The following RPH3A variants were observed in gnomAD, a reference collection of about 807,000 sequenced individuals.
RPH3A encodes the protein rabphilin-3A.
Under a neutral mutation model 102.2 loss-of-function variants are expected in RPH3A, and 48 were observed. The observed-to-expected ratio is 0.47, with a 90% CI of 0.37 to 0.60. RPH3A has a LOEUF of 0.60. Ranked by LOEUF, RPH3A falls within the 20% of genes least tolerant of loss-of-function variation. RPH3A has a pLI of 0.00. For missense variants in RPH3A, 781 were observed against 910.1 expected (o/e 0.86, Z 1.83); for synonymous variants, 310 against 324.3 (o/e 0.96, Z 0.47).
intron 1 of RPH3A, among the ~76,000 whole-genome samples, chr12:112,726,890 G>A (rs1452228440): frequency 6.6e-6 from 1 of 152,084 alleles, no homozygotes; most frequent in Non-Finnish European, 1.5e-5. Context: ...GGGCGTGGTG[G>A]TGCATGCCTG....
At chr12:112,741,449 C>A (rs997405486) in intron 1 of RPH3A, among the ~76,000 whole-genome samples, 1 of 152,170 alleles carries the variant, frequency 6.6e-6, no homozygotes, top group Non-Finnish European at 1.5e-5. Flanking sequence ...TTTGTTCTTT[C>A]CCTCCCACTA....
At chr12:112,876,380 G>A (rs1482520451) in intron 12 of RPH3A, among the ~76,000 whole-genome samples, 14 of 152,110 alleles carry the variant, frequency 9.2e-5, no homozygotes, top group Non-Finnish European at 1.8e-4. Flanking sequence ...GTAATTTGCC[G>A]CAGGTCACAT....
At chr12:112,874,894 C>CA in intron 10 of RPH3A, 190 bp from the exon 11 acceptor site, 1 of 560,272 alleles carries the variant, frequency 1.8e-6, no homozygotes, top group Non-Finnish European at 3.2e-6. Context: ...TGTGACTCAC[C>CA]AGAGTCTGAG....
chr12:112,894,306 C>G, intron 19 of RPH3A: 1 of 492,064 alleles, frequency 2.0e-6, no homozygotes, highest in Non-Finnish European at 3.5e-6. Context: ...CTAGGGCACA[C>G]TTCTGCCTCT....
intron 1 of RPH3A, among the ~76,000 whole-genome samples, chr12:112,752,331 C>T (rs1385452330): frequency 6.6e-6 from 1 of 152,084 alleles, no homozygotes; most frequent in Admixed American, 6.6e-5. Flanking sequence ...TAATATGTGT[C>T]TGTAACAAAA....
chr12:112,706,694 G>T (rs907939087), intron 1 of RPH3A, among the ~76,000 whole-genome samples: 1 of 152,188 alleles, frequency 6.6e-6, no homozygotes, highest in Non-Finnish European at 1.5e-5. Context: ...GCAAGTAACA[G>T]AAAAGAAATC....
chr12:112,708,562 G>A (rs893240225), intron 1 of RPH3A, among the ~76,000 whole-genome samples: 1 of 152,212 alleles, frequency 6.6e-6, no homozygotes, highest in African/African-American at 2.4e-5. Context: ...GGGGAGCAAA[G>A]CAGTGGGGTT....
chr12:112,770,477 C>A (rs973171266), intron 1 of RPH3A, among the ~76,000 whole-genome samples: 1 of 152,152 alleles, frequency 6.6e-6, no homozygotes, highest in Non-Finnish European at 1.5e-5. Flanking sequence ...TCCTGAGTAG[C>A]TGGGACTACA....
chr12:112,773,605 G>A (rs1171125269), intron 1 of RPH3A, among the ~76,000 whole-genome samples: 2 of 151,484 alleles, frequency 1.3e-5, no homozygotes, highest in Non-Finnish European at 2.9e-5. Flanking sequence ...AGAGGGTAGG[G>A]GTGTATTTTT....
chr12:112,705,280 G>A (rs570003824), intron 1 of RPH3A, among the ~76,000 whole-genome samples: 1 of 152,304 alleles, frequency 6.6e-6, no homozygotes, highest in South Asian at 2.1e-4. Context: ...TTGGCTGCAA[G>A]GGAGTCTGGG....
chr12:112,704,996 T>C (rs374813004), intron 1 of RPH3A, among the ~76,000 whole-genome samples: 7 of 152,174 alleles, frequency 4.6e-5, no homozygotes, highest in African/African-American at 1.7e-4. Flanking sequence ...CGCTTTAAAT[T>C]AGGTAGTTTG....
intron 3 of RPH3A, among the ~76,000 whole-genome samples, chr12:112,832,492 T>C (rs1245687588): frequency 2.6e-5 from 4 of 152,208 alleles, no homozygotes; most frequent in African/African-American, 4.8e-5. Context: ...TTAGAATGGA[T>C]GTTAAATTTT....
At chr12:112,818,197 G>T (rs996918449) in intron 2 of RPH3A, among the ~76,000 whole-genome samples, 5 of 151,858 alleles carry the variant, frequency 3.3e-5, no homozygotes, top group African/African-American at 1.2e-4. Context: ...CTACTCGGGG[G>T]GCTGAGGCAG....
chr12:112,796,485 G>T (rs1302382576), intron 2 of RPH3A, among the ~76,000 whole-genome samples: 1 of 152,218 alleles, frequency 6.6e-6, no homozygotes, highest in African/African-American at 2.4e-5. Context: ...AATGAATGAA[G>T]CTCAACTGAT....
chr12:112,797,945 T>C (rs1489584956), intron 2 of RPH3A, among the ~76,000 whole-genome samples: 1 of 152,198 alleles, frequency 6.6e-6, no homozygotes, highest in Non-Finnish European at 1.5e-5. Context: ...TGCCTCGGCC[T>C]ACCGAAGTGC....
rs78805491 is a variant in RPH3A at position 112,613,700 on chromosome 12, G to A, written c.-140+38381G>A. ...CCTGTAGACCCAGCTACTTGGTGGT[G>A]AGGGTGGGGGTCTGATGGGGGAGGA... On this transcript the variant is annotated intron_variant, in intron 1 of 21. Transcript: ENST00000543106. 3.8e-3 allele frequency among the ~76,000 whole-genome samples: 585 copies of A among 152,224 alleles called. 7 individuals are homozygous for A. The highest frequency in any genetic ancestry group is 0.013 in the African/African-American group (557 of 41,532).
In RPH3A at chr12:112,865,722, T is replaced by C. The variant is rs995069831; in HGVS notation, c.360+179T>C. The C allele has an allele frequency of 2.8e-5, 16 of 579,388 alleles. 1 individual carries two copies. The African/African-American group carries it at 2.8e-4, about 10-fold the overall frequency. 35.9% of individuals were successfully genotyped at this position (579,388 alleles called of 1,614,324 possible). On this transcript the variant is annotated intron_variant, in intron 6 of 21. Coordinates refer to ENST00000389385, the MANE Select transcript of RPH3A (RefSeq NM_001143854.2). Reference sequence around the variant, plus strand: ...GCCCTACTGTCTTCCAACGTAACCCTGATCCTGGTTCCTCCCTGGAAGCCA... The same window carrying C: ...GCCCTACTGTCTTCCAACGTAACCCCGATCCTGGTTCCTCCCTGGAAGCCA...
chr12:112,717,043 A>G (rs1457176525), intron 1 of RPH3A, among the ~76,000 whole-genome samples: 1 of 152,212 alleles, frequency 6.6e-6, no homozygotes, highest in African/African-American at 2.4e-5. Context: ...GTCCCATTTA[A>G]TTCTTATAAC....
intron 7 of RPH3A, 98 bp downstream of exon 7, chr12:112,866,938 C>A: frequency 1.2e-6 from 1 of 834,872 alleles, no homozygotes; most frequent in Non-Finnish European, 2.0e-6. Flanking sequence ...CCCAGCTCAG[C>A]AGTGAACATT....
Sources: allele counts gnomAD v4.1 joint callset (sites outside exome capture counted in the v4.1 genomes callset), GRCh38; gene constraint gnomAD v4.1.1; transcripts MANE v1.5; gene names NCBI Gene and HGNC (gene_info 2026-07-23, HGNC 2026-07-21).